The following CSMD1 variants were observed in gnomAD, a reference collection of about 807,000 sequenced individuals.
CSMD1 encodes CUB and sushi domain-containing protein 1.
CSMD1 carries 213 observed loss-of-function variants against 417.5 expected under a neutral mutation model. The observed-to-expected ratio is 0.51, with a 90% CI of 0.46 to 0.57. The LOEUF is 0.57. CSMD1 is among the 20% of genes least tolerant of loss of function. The pLI is 0.00. For missense variants in CSMD1, 6,923 were observed against 4,529.7 expected (o/e 1.53, Z -15.17); for synonymous variants, 2,862 against 1,736.8 (o/e 1.65, Z -16.11).
chr8:3,269,597 T>C (rs12542756), intron 26 of CSMD1, among the ~76,000 whole-genome samples: 50,881 of 152,086 alleles, frequency 0.33, 8,587 homozygotes, highest in East Asian at 0.37. Flanking sequence ...TCGCAAAACC[T>C]GAGAATGAAA....
At chr8:3,876,728 G>A (rs890047216) in intron 5 of CSMD1, among the ~76,000 whole-genome samples, 2 of 152,162 alleles carry the variant, frequency 1.3e-5, no homozygotes, top group African/African-American at 2.4e-5. Context: ...TCCAGCCTTG[G>A]CCTCCTGAGT....
At chr8:4,430,263 A>C (rs1797799889) in intron 2 of CSMD1, among the ~76,000 whole-genome samples, 2 of 152,112 alleles carry the variant, frequency 1.3e-5, no homozygotes, top group African/African-American at 4.8e-5. Flanking sequence ...AATTTTCTAA[A>C]ATCACATCTT....
At chr8:4,458,062 C>A (rs1799594247) in intron 2 of CSMD1, among the ~76,000 whole-genome samples, 1 of 152,226 alleles carries the variant, frequency 6.6e-6, no homozygotes. Context: ...CCCTGAGGTA[C>A]ACAATCCTTC....
At chr8:4,321,081 C>T (rs762040956) in intron 3 of CSMD1, among the ~76,000 whole-genome samples, 19 of 152,218 alleles carry the variant, frequency 1.2e-4, no homozygotes, top group East Asian at 3.9e-4. Flanking sequence ...TCTTGTCATA[C>T]GCTTATATTG....
chr8:3,466,251 T>C (rs1379572963), intron 12 of CSMD1, among the ~76,000 whole-genome samples: 1 of 152,022 alleles, frequency 6.6e-6, no homozygotes, highest in Non-Finnish European at 1.5e-5. Context: ...TTTAAATAAC[T>C]TACACTAAGG....
chr8:2,974,434 A>G lies in CSMD1; in HGVS notation c.8740+17T>C, dbSNP rs1407284159. 1.3e-6 allele frequency: 2 copies of G among 1,520,544 alleles called. No individual in the cohort carries two copies. The highest frequency in any genetic ancestry group is 1.8e-6 in the Non-Finnish European group (2 of 1,128,868). The allele number at this position is 1,520,544 out of a possible 1,614,324, so 94.2% of individuals were successfully genotyped here. The stretch of plus-strand genomic sequence containing the variant: ...TTGAAATCTGTAATTCTGTCAGTTC[A>G]CTCGTAAGCCCCTCACCTGTGCAGT... On this transcript the variant is annotated intron_variant, in intron 56 of 69. Coordinates refer to ENST00000635120, the MANE Select transcript of CSMD1 (RefSeq NM_033225.6).
intron 28 of CSMD1, among the ~76,000 whole-genome samples, chr8:3,220,809 TGACA>T (rs1798164662): frequency 6.6e-6 from 1 of 152,062 alleles, no homozygotes; most frequent in African/African-American, 2.4e-5. Flanking sequence ...CCAGCCTGGG[TGACA>T]GACAGAGCAA....
At chr8:4,801,906 G>C (rs1326448836) in intron 1 of CSMD1, among the ~76,000 whole-genome samples, 1 of 152,152 alleles carries the variant, frequency 6.6e-6, no homozygotes, top group African/African-American at 2.4e-5. Context: ...CTATTTGCAA[G>C]GCAGCATTCG....
Position 4,286,409 on chromosome 8 carries a change from G to C in CSMD1, c.415+133544C>G, listed in dbSNP as rs989302997. On this transcript the variant is annotated intron_variant, in intron 3 of 69. Transcript: ENST00000635120. Reference sequence around the variant, plus strand: ...CTTCACCAAGGGCTTCAGTTAACATGAGACAGAGAAAAATCATGGAGAGTA... The same window carrying C: ...CTTCACCAAGGGCTTCAGTTAACATCAGACAGAGAAAAATCATGGAGAGTA... Among the ~76,000 whole-genome samples the C allele has an allele frequency of 2.0e-5, 3 of 152,228 alleles. No individual in the cohort carries two copies. In the East Asian group the frequency reaches 5.8e-4, roughly 29 times the overall value.
chr8:4,351,750 C>G (rs1801106483), intron 3 of CSMD1, among the ~76,000 whole-genome samples: 1 of 152,096 alleles, frequency 6.6e-6, no homozygotes, highest in African/African-American at 2.4e-5. Flanking sequence ...TGAGCAAGAC[C>G]CACTTGAGAA....
At chr8:3,725,360 G>C (rs144454767) in intron 6 of CSMD1, among the ~76,000 whole-genome samples, 7,414 of 152,210 alleles carry the variant, frequency 0.049, 215 homozygotes, top group Middle Eastern at 0.11. Context: ...GGGAAACAAT[G>C]ACAAAGAACC....
chr8:3,828,758 T>G (rs566945687), intron 5 of CSMD1, among the ~76,000 whole-genome samples: 25 of 152,242 alleles, frequency 1.6e-4, no homozygotes, highest in African/African-American at 5.5e-4. Context: ...TAAACATCAG[T>G]GAGGTCCTGT....
chr8:4,956,122 T>C (rs1482774784), intron 1 of CSMD1, among the ~76,000 whole-genome samples: 2 of 152,166 alleles, frequency 1.3e-5, no homozygotes, highest in African/African-American at 2.4e-5. Flanking sequence ...TGCTAATTAC[T>C]TTCTCGCTCA....
At chr8:3,052,417 C>T (rs537511841) in intron 50 of CSMD1, 45 bp downstream of exon 50, 1 of 1,487,198 alleles carries the variant, frequency 6.7e-7, no homozygotes, top group Admixed American at 2.2e-5. Context: ...GCATTCAGTT[C>T]CCACCTAAAC....
intron 4 of CSMD1, among the ~76,000 whole-genome samples, chr8:4,017,034 A>G (rs1177094168): frequency 1.3e-5 from 2 of 152,230 alleles, no homozygotes; most frequent in Admixed American, 6.5e-5. Flanking sequence ...GAGCCACATC[A>G]TAAAGGAACA....
intron 1 of CSMD1, among the ~76,000 whole-genome samples, chr8:4,882,447 G>A (rs1355190405): frequency 6.6e-6 from 1 of 151,246 alleles, no homozygotes; most frequent in East Asian, 1.9e-4. Context: ...GGAATTTGAA[G>A]AGTATTGGGG....
At chr8:4,481,527 T>C (rs1355365685) in intron 2 of CSMD1, among the ~76,000 whole-genome samples, 2 of 152,162 alleles carry the variant, frequency 1.3e-5, no homozygotes, top group African/African-American at 2.4e-5. Flanking sequence ...GTTTTAAAGA[T>C]AGAGAAGGAA....
At chr8:3,049,960 C>G (rs148871361) in intron 50 of CSMD1, among the ~76,000 whole-genome samples, 2 of 151,972 alleles carry the variant, frequency 1.3e-5, no homozygotes, top group Admixed American at 6.5e-5. Context: ...AACAAAGAAA[C>G]GAAAGCTCTG....
At chr8:4,732,885 C>T (rs1031569523) in intron 1 of CSMD1, among the ~76,000 whole-genome samples, 2 of 152,096 alleles carry the variant, frequency 1.3e-5, no homozygotes, top group Non-Finnish European at 2.9e-5. Context: ...TTTATATGGG[C>T]CCTAAAACAT....
Sources: allele counts gnomAD v4.1 joint callset (sites outside exome capture counted in the v4.1 genomes callset), GRCh38; gene constraint gnomAD v4.1.1; transcripts MANE v1.5; gene names NCBI Gene and HGNC (gene_info 2026-07-23, HGNC 2026-07-21).